Variants in DIP2B observed in about 807,000 individuals in gnomAD.
DIP2B encodes disco-interacting protein 2 homolog B.
In DIP2B, 76 loss-of-function variants were observed where a neutral mutation model predicts 198.0. That is an observed-to-expected ratio of 0.38 (90% confidence interval 0.32 to 0.46). DIP2B has a LOEUF of 0.46. Ranked by LOEUF, DIP2B falls within the 20% of genes least tolerant of loss-of-function variation. DIP2B has a pLI of 0.99. For missense variants in DIP2B, 1,559 were observed against 1,978.4 expected (o/e 0.79, Z 4.02); for synonymous variants, 701 against 739.1 (o/e 0.95, Z 0.84).
chr12:50,624,944 C>T (rs1474666356), intron 1 of DIP2B, among the ~76,000 whole-genome samples: 1 of 152,140 alleles, frequency 6.6e-6, no homozygotes, highest in Non-Finnish European at 1.5e-5. Context: ...CATTTATCAC[C>T]CTTGATTGCA....
intron 14 of DIP2B, among the ~76,000 whole-genome samples, 154 bp downstream of exon 14, chr12:50,693,167 A>G (rs1228719655): frequency 6.6e-6 from 1 of 152,208 alleles, no homozygotes; most frequent in East Asian, 1.9e-4. Flanking sequence ...TTTCCACTGG[A>G]CAGAATGTTT....
chr12:50,718,684 A>G (rs1939778460), intron 23 of DIP2B, 25 bp from the exon 24 acceptor site: 1 of 1,601,220 alleles, frequency 6.2e-7, no homozygotes, highest in Non-Finnish European at 8.6e-7. Flanking sequence ...ATCTCCAGTG[A>G]GTTGGGTTTT....
In DIP2B at chr12:50,748,173, A is replaced by G. The variant is rs1298985880; in HGVS notation, c.*3334A>G. 1.3e-5 allele frequency: 2 copies of G among 152,654 alleles called. No individual in the cohort carries two copies. The highest frequency in any genetic ancestry group is 4.8e-5 in the African/African-American group (2 of 41,462). The allele number at this position is 152,654 out of a possible 1,614,324, so 9.5% of individuals were successfully genotyped here. On this transcript the variant is annotated 3_prime_UTR_variant, in exon 38 of 38. Coordinates refer to ENST00000301180, the MANE Select transcript of DIP2B (RefSeq NM_173602.3). ...GGTGCTCTATATCTTGGCCAAATAA[A>G]TTACTTTCCTTGAATATCCAGGAAT...
At chr12:50,689,395 G>A (rs1003868020) in intron 12 of DIP2B, among the ~76,000 whole-genome samples, 5 of 152,108 alleles carry the variant, frequency 3.3e-5, no homozygotes, top group Non-Finnish European at 5.9e-5. Context: ...AAAGGAGACC[G>A]GCTTTACAGT....
chr12:50,717,193 C>G (rs373067497), intron 23 of DIP2B, among the ~76,000 whole-genome samples: 1 of 151,482 alleles, frequency 6.6e-6, no homozygotes, highest in African/African-American at 2.4e-5. Context: ...GATCTGCCCC[C>G]CTCTGCCTCC....
chr12:50,574,729 TC>T (rs1184800371), intron 1 of DIP2B, among the ~76,000 whole-genome samples: 1 of 152,234 alleles, frequency 6.6e-6, no homozygotes, highest in African/African-American at 2.4e-5. Context: ...GGTACTTCGT[TC>T]CCTCTTCCAT....
At chr12:50,612,465 T>TC (rs2139455021) in intron 1 of DIP2B, among the ~76,000 whole-genome samples, 1 of 151,010 alleles carries the variant, frequency 6.6e-6, no homozygotes, top group South Asian at 2.1e-4. Context: ...TCTTGCTCTG[T>TC]CCCCCCAGGC....
At chr12:50,591,881 G>GTT (rs200971587) in intron 1 of DIP2B, among the ~76,000 whole-genome samples, 9 of 139,676 alleles carry the variant, frequency 6.4e-5, no homozygotes, top group Non-Finnish European at 7.9e-5. Flanking sequence ...ATTTTTGTGT[G>GTT]TTTTTTTTTT....
At chr12:50,682,572 T>C (rs1355747552) in intron 9 of DIP2B, among the ~76,000 whole-genome samples, 1 of 134,996 alleles carries the variant, frequency 7.4e-6, no homozygotes, top group African/African-American at 2.9e-5. Context: ...GAGCTTGCAG[T>C]GAGCTGAGAT....
intron 20 of DIP2B, among the ~76,000 whole-genome samples, 199 bp downstream of exon 20, chr12:50,704,419 A>G (rs1254707061): frequency 6.6e-6 from 1 of 152,222 alleles, no homozygotes; most frequent in African/African-American, 2.4e-5. Context: ...GACTCCTTCA[A>G]ACTAAGACAT....
chr12:50,654,482 G>A (rs1436491419), intron 3 of DIP2B, among the ~76,000 whole-genome samples: 9 of 151,588 alleles, frequency 5.9e-5, no homozygotes, highest in Non-Finnish European at 1.3e-4. Flanking sequence ...AGCCTCCTGA[G>A]TAGCTGGCCC....
In DIP2B at chr12:50,568,398, C is replaced by T. The variant is rs115420894; in HGVS notation, c.101-57578C>T. On this transcript the variant is annotated intron_variant, in intron 1 of 37. Transcript: ENST00000301180. ...GGTCCAGACCTCAAGATAGGGCCAG[C>T]GGAGGAAAACAAAGGTAAAAAAAGA... Among the ~76,000 whole-genome samples the T allele has an allele frequency of 6.7e-3, 1,021 of 152,184 alleles. 11 individuals are homozygous for T. The highest frequency in any genetic ancestry group is 0.022 in the African/African-American group (930 of 41,502).
At chr12:50,721,916 T>A (rs1242431171) in intron 26 of DIP2B, among the ~76,000 whole-genome samples, 1 of 152,050 alleles carries the variant, frequency 6.6e-6, no homozygotes, top group African/African-American at 2.4e-5. Flanking sequence ...TTAAAAATAT[T>A]TAGAAAGCTG....
chr12:50,530,318 G>A (rs983716627), intron 1 of DIP2B, among the ~76,000 whole-genome samples: 2 of 152,190 alleles, frequency 1.3e-5, no homozygotes, highest in Non-Finnish European at 2.9e-5. Flanking sequence ...CTGACCTCAT[G>A]ATCTGCCCGC....
chr12:50,623,079 C>A (rs1234442789), intron 1 of DIP2B, among the ~76,000 whole-genome samples: 2 of 152,014 alleles, frequency 1.3e-5, no homozygotes, highest in Non-Finnish European at 2.9e-5. Flanking sequence ...TTTTAAAAAT[C>A]AAACTCTACT....
intron 3 of DIP2B, 79 bp from the exon 4 acceptor site, chr12:50,660,115 A>G: frequency 8.8e-7 from 1 of 1,130,644 alleles, no homozygotes. Flanking sequence ...TAAACAATTG[A>G]GGCAGTGATA....
chr12:50,571,698 G>A (rs568686766), intron 1 of DIP2B, among the ~76,000 whole-genome samples: 2 of 151,980 alleles, frequency 1.3e-5, no homozygotes, highest in East Asian at 1.9e-4. Flanking sequence ...GACTACAGGC[G>A]TGTGCCACCA....
At chr12:50,637,387 G>T (rs1938179648) in intron 2 of DIP2B, among the ~76,000 whole-genome samples, 1 of 152,088 alleles carries the variant, frequency 6.6e-6, no homozygotes, top group Admixed American at 6.5e-5. Flanking sequence ...TAGCCTCACT[G>T]GTCTTAGACT....
chr12:50,677,345 G>T (rs1036128431), intron 7 of DIP2B, among the ~76,000 whole-genome samples: 2 of 152,138 alleles, frequency 1.3e-5, no homozygotes, highest in East Asian at 1.9e-4. Flanking sequence ...CATTTGGCCG[G>T]GCGCGGTGGC....
Sources: allele counts gnomAD v4.1 joint callset (sites outside exome capture counted in the v4.1 genomes callset), GRCh38; gene constraint gnomAD v4.1.1; transcripts MANE v1.5; gene names NCBI Gene and HGNC (gene_info 2026-07-23, HGNC 2026-07-21).